KMT2A: variants seen among roughly 807,000 people sequenced by gnomAD.
The protein encoded by KMT2A is lysine methyltransferase 2A, also known as histone-lysine N-methyltransferase 2A.
KMT2A carries 16 observed loss-of-function variants against 345.3 expected under a neutral mutation model. The ratio of observed to expected loss-of-function variants is 0.05; its 90% CI spans 0.03 to 0.07. KMT2A has a LOEUF of 0.07. Among genes scored for constraint, KMT2A ranks in the 10% least tolerant of loss-of-function variants. The pLI is 1.00. For missense variants in KMT2A, 3,272 were observed against 4,841.6 expected (o/e 0.68, Z 9.62); for synonymous variants, 1,599 against 1,778.6 (o/e 0.90, Z 2.54).
rs782615088 is a variant in KMT2A at position 118,503,335 on chromosome 11, A to G, written c.7443A>G (p.Pro2481=). The change falls in exon 27 of 36, where the codon CCA becomes CCG. Residue 2481 remains proline, a synonymous_variant. Coordinates refer to ENST00000534358, the MANE Select transcript of KMT2A (RefSeq NM_001197104.2). The surrounding 1 kb of genome is among the most constrained non-coding windows in gnomAD (Gnocchi z 5.3). ...CTCCTGAGTATATGGGCCAACGACC[A>G]TGTAACAATGTTTCTTCTGATAAGA... ...VLTPEYMGQR[P]CNNVSSDKIG... 6.2e-7 allele frequency: 1 copy of G among 1,614,178 alleles called. No homozygotes were observed.
chr11:118,436,497 A>C lies in KMT2A; in HGVS notation c.-16A>C, dbSNP rs2134151711. 1.6e-6 allele frequency: 2 copies of C among 1,252,812 alleles called. No homozygotes were observed. The allele number at this position is 1,252,812 out of a possible 1,614,324, so 77.6% of individuals were successfully genotyped here. A position where few individuals can be genotyped will look rare whatever the true frequency, so the allele number is the denominator to read the frequency against. Reference sequence around the variant, plus strand: ...TGTCGCCTCTCCCTCTCGCTGCTTCACTTCACGGGGCGAACATGGCGCACA... The same window carrying C: ...TGTCGCCTCTCCCTCTCGCTGCTTCCCTTCACGGGGCGAACATGGCGCACA... On this transcript the variant is annotated 5_prime_UTR_variant, in exon 1 of 36. Coordinates refer to ENST00000534358, the MANE Select transcript of KMT2A (RefSeq NM_001197104.2). The surrounding 1 kb of genome is among the most constrained non-coding windows in gnomAD (Gnocchi z 6.9).
At chr11:118,511,212 C>A (rs782577475) in intron 30 of KMT2A, among the ~76,000 whole-genome samples, 5 of 151,934 alleles carry the variant, frequency 3.3e-5, no homozygotes, top group Non-Finnish European at 7.4e-5. Context: ...GAGAGTATTG[C>A]TAGAGTAGAG....
intron 1 of KMT2A, among the ~76,000 whole-genome samples, chr11:118,467,772 C>T (rs1949872833): frequency 6.6e-6 from 1 of 152,170 alleles, no homozygotes; most frequent in African/African-American, 2.4e-5. Flanking sequence ...ATGCTTTTGT[C>T]ATTGGAACTC....
Position 118,503,165 on chromosome 11 carries a change from T to G in KMT2A, c.7273T>G (p.Ser2425Ala), listed in dbSNP as rs1250223833. 7.4e-6 allele frequency: 12 copies of G among 1,613,832 alleles called. No individual in the cohort carries two copies. The highest frequency in any genetic ancestry group is 1.0e-5 in the Non-Finnish European group (12 of 1,179,994). ...TATCAACGAACATATGGGATCTAGT[T>G]CCAGAGATAGGAGACAGAAAGGGAA... ...SIINEHMGSSSRDRRQKGKKS... is the reference protein window; with the variant it reads ...SIINEHMGSSARDRRQKGKKS... Residue 2425 changes from serine to alanine, a missense_variant, in exon 27 of 36, where the codon TCC becomes GCC. Around this residue, in one of 27 missense-constraint regions of KMT2A, gnomAD observed 445 missense variants for 500.9 expected, o/e 0.89. Coordinates refer to ENST00000534358, the MANE Select transcript of KMT2A (RefSeq NM_001197104.2). The surrounding 1 kb of genome is among the most constrained non-coding windows in gnomAD (Gnocchi z 5.3).
Position 118,526,429 on chromosome 11 carries a change from T to G in KMT2A, c.*4257T>G, listed in dbSNP as rs1361788244. 2 of 228,522 alleles carry G rather than the reference T, an allele frequency of 8.8e-6. No homozygotes were observed. Among genetic ancestry groups the G allele is most frequent in the Non-Finnish European group, 1.7e-5 (2 of 115,350 alleles). 14.2% of individuals were successfully genotyped at this position (228,522 alleles called of 1,614,324 possible). A position where few individuals can be genotyped will look rare whatever the true frequency, so the allele number is the denominator to read the frequency against. On this transcript the variant is annotated 3_prime_UTR_variant, in exon 36 of 36. Coordinates refer to ENST00000534358, the MANE Select transcript of KMT2A (RefSeq NM_001197104.2). ...TTCTTTTATTGAACTTTTAACAGTCTCTTTAGTAAATACAGGTAGTTGAAT... is the reference window on the plus strand; with the variant it reads ...TTCTTTTATTGAACTTTTAACAGTCGCTTTAGTAAATACAGGTAGTTGAAT...
At position 118,513,967 on chromosome 11, in the gene KMT2A, A is replaced by G. The variant is rs568398475; in HGVS notation, c.11146+1942A>G. On this transcript the variant is annotated intron_variant, in intron 31 of 35. Coordinates refer to ENST00000534358, the MANE Select transcript of KMT2A (RefSeq NM_001197104.2). ...AAAAAAAAAAAAAAAAAGAAAAAGA[A>G]AAAAAAGTCTTGCTCATAATTTTTA... Among the ~76,000 whole-genome samples the G allele has an allele frequency of 2.2e-4, 34 of 151,658 alleles. No individual in the cohort carries two copies. In the East Asian group the frequency reaches 3.9e-3, roughly 17 times the overall value.
At chr11:118,437,758 C>T (rs1555139138) in intron 1 of KMT2A, among the ~76,000 whole-genome samples, 2 of 152,040 alleles carry the variant, frequency 1.3e-5, no homozygotes, top group Admixed American at 6.6e-5. Flanking sequence ...CCACCCTTTC[C>T]CTCCTTTAGA....
intron 5 of KMT2A, among the ~76,000 whole-genome samples, chr11:118,478,536 T>G (rs1335403250): frequency 6.6e-6 from 1 of 152,216 alleles, no homozygotes; most frequent in Non-Finnish European, 1.5e-5. Flanking sequence ...ACCACACTGT[T>G]TATTTCGTTT....
chr11:118,484,320 G>A lies in KMT2A; in HGVS notation c.4218+6G>A, dbSNP rs782476945. ...GGATCAGAGTGGACTTTAAGGTAAA[G>A]GTGTTCAGTGATCATAAAGTATATT... On this transcript the variant is annotated splice_donor_region_variant and intron_variant, in intron 9 of 35. Coordinates refer to ENST00000534358, the MANE Select transcript of KMT2A (RefSeq NM_001197104.2). This position sits in a 1 kb window ranked among gnomAD's most constrained non-coding sequence, Gnocchi z 4.1. 6.2e-7 allele frequency: 1 copy of A among 1,613,452 alleles called. No individual in the cohort carries two copies. Among genetic ancestry groups the A allele is most frequent in the African/African-American group, 1.3e-5 (1 of 74,880 alleles).
At chr11:118,509,810 G>T (rs968485741) in intron 29 of KMT2A, 138 bp from the exon 30 acceptor site, 54 of 618,822 alleles carry the variant, frequency 8.7e-5, no homozygotes, top group Non-Finnish European at 1.2e-4. Flanking sequence ...TCTTGGGTTT[G>T]TTATCTATAA....
chr11:118,437,036 C>G (rs1292479835), intron 1 of KMT2A, 92 bp downstream of exon 1: 1 of 1,316,620 alleles, frequency 7.6e-7, no homozygotes, highest in African/African-American at 1.5e-5. Flanking sequence ...CATCCCAATT[C>G]TGGGACCATC....
intron 1 of KMT2A, among the ~76,000 whole-genome samples, chr11:118,453,282 A>C (rs1949577902): frequency 6.6e-6 from 1 of 152,152 alleles, no homozygotes; most frequent in African/African-American, 2.4e-5. Flanking sequence ...TGCCTCTGAA[A>C]TAGCTCTTAT....
rs117787306 is a variant in KMT2A, at chr11:118,511,188, G to A, written c.11072-763G>A. 2.6e-3 allele frequency among the ~76,000 whole-genome samples: 393 copies of A among 152,278 alleles called. 1 individual carries two copies. The highest frequency in any genetic ancestry group is 4.9e-3 in the Non-Finnish European group (333 of 68,032). On this transcript the variant is annotated intron_variant, in intron 30 of 35. Transcript: ENST00000534358. ...GCATGAACTGGAGATGCTCAAAGACGAGAGTTTACTAATGAGAGTATTGCT... is the reference window on the plus strand; with the variant it reads ...GCATGAACTGGAGATGCTCAAAGACAAGAGTTTACTAATGAGAGTATTGCT...
At chr11:118,460,440 G>A (rs538421) in intron 1 of KMT2A, among the ~76,000 whole-genome samples, 147,524 of 152,062 alleles carry the variant, frequency 0.97, 71,705 homozygotes, top group East Asian at 1. Flanking sequence ...GCATGCACCA[G>A]CACACCCAGC....
intron 30 of KMT2A, among the ~76,000 whole-genome samples, chr11:118,511,111 G>A (rs1445904765): frequency 1.3e-5 from 2 of 152,148 alleles, no homozygotes; most frequent in Non-Finnish European, 2.9e-5. Context: ...GTGAATAGAA[G>A]CAGAATTTCA....
At chr11:118,480,296 G>A in intron 6 of KMT2A, 58 bp downstream of exon 6, 1 of 1,238,384 alleles carries the variant, frequency 8.1e-7, no homozygotes, top group Non-Finnish European at 1.2e-6. Context: ...GTGTATAGTT[G>A]TATACACCCA....
chr11:118,476,873 A>T lies in KMT2A; in HGVS notation c.3225A>T (p.Ala1075=). 1 of 1,614,242 alleles carries T rather than the reference A, an allele frequency of 6.2e-7. No homozygotes were observed. Among genetic ancestry groups the T allele is most frequent in the African/African-American group, 1.3e-5 (1 of 75,070 alleles). ...GGATTAAACATGTCTGCAGAAGAGC[A>T]GCTGTTGCCCTTGGCCGAAAACGAG... ...GPRIKHVCRR[A]AVALGRKRAV... The change falls in exon 4 of 36, where the codon GCA becomes GCT. Residue 1075 remains alanine, a synonymous_variant. Transcript: ENST00000534358. The surrounding 1 kb of genome is among the most constrained non-coding windows in gnomAD (Gnocchi z 4.1).
chr11:118,502,301 T>C lies in KMT2A; in HGVS notation c.6506-97T>C. ...GAAAATGTAGATTTCCAGTTACCTA[T>C]AAATATATATATATATAGTCAAATC... On this transcript the variant is annotated intron_variant, in intron 26 of 35. Coordinates refer to ENST00000534358, the MANE Select transcript of KMT2A (RefSeq NM_001197104.2). The surrounding 1 kb of genome is among the most constrained non-coding windows in gnomAD (Gnocchi z 4.9). 1.5e-6 allele frequency: 1 copy of C among 651,182 alleles called. No individual in the cohort carries two copies. Among genetic ancestry groups the C allele is most frequent in the Non-Finnish European group, 2.4e-6 (1 of 421,702 alleles). 40.3% of individuals were successfully genotyped at this position (651,182 alleles called of 1,614,324 possible).
At position 118,495,051 on chromosome 11, in the gene KMT2A, G is replaced by C. The variant is rs1160252753; in HGVS notation, c.5363+284G>C. 3.9e-5 allele frequency among the ~76,000 whole-genome samples: 6 copies of C among 152,030 alleles called. No individual in the cohort carries two copies. In the East Asian group the frequency reaches 9.6e-4, roughly 24 times the overall value. On this transcript the variant is annotated intron_variant, in intron 18 of 35. Coordinates refer to ENST00000534358, the MANE Select transcript of KMT2A (RefSeq NM_001197104.2). This position sits in a 1 kb window ranked among gnomAD's most constrained non-coding sequence, Gnocchi z 4.1. Reference sequence around the variant, plus strand: ...ATGTAGCTGGCCTTGTTATAAATGGGTTCTGTTTGACTGATAGTTCAAATG... The same window carrying C: ...ATGTAGCTGGCCTTGTTATAAATGGCTTCTGTTTGACTGATAGTTCAAATG...
Sources: allele counts gnomAD v4.1 joint callset (sites outside exome capture counted in the v4.1 genomes callset), GRCh38; gene constraint gnomAD v4.1.1; regional missense constraint gnomAD v4.1.1; non-coding constraint Gnocchi (gnomAD v3.1); transcripts MANE v1.5; gene names NCBI Gene and HGNC (gene_info 2026-07-23, HGNC 2026-07-21).